The following MAD1L1 variants were observed in gnomAD, a reference collection of about 807,000 sequenced individuals.
MAD1L1 encodes mitotic arrest deficient 1 like 1, also known as mitotic spindle assembly checkpoint protein MAD1.
MAD1L1 carries 95 observed loss-of-function variants against 96.9 expected under a neutral mutation model. That is an observed-to-expected ratio of 0.98 (90% CI 0.83 to 1.16). MAD1L1 has a LOEUF of 1.16. Among genes scored for constraint, MAD1L1 ranks in the 50% most tolerant of loss-of-function variants. MAD1L1 has a pLI of 0.00. For synonymous variants in MAD1L1, 473 were observed against 396.6 expected (o/e 1.19, Z -2.29); for missense variants, 1,007 against 954.4 (o/e 1.06, Z -0.73).
chr7:1,954,700 T>C (rs6952085), intron 16 of MAD1L1, among the ~76,000 whole-genome samples: 130,981 of 152,226 alleles, frequency 0.86, 57,693 homozygotes, highest in Non-Finnish European at 0.96. Context: ...TTCTGCCTCC[T>C]AACATGGAGA....
At chr7:1,952,340 C>A (rs1022758281) in intron 16 of MAD1L1, among the ~76,000 whole-genome samples, 16 of 152,336 alleles carry the variant, frequency 1.1e-4, no homozygotes, top group Middle Eastern at 6.8e-3. Flanking sequence ...CCGGAGTGGG[C>A]GCTTCTCCTG....
rs13312366 is a variant in MAD1L1, at chr7:1,860,413, C to A, written c.1998+37787G>T. ...CGGGGCGGCCTCTGTCTCCCTAGAC[C>A]TGACATCCTGTGGTGGCCCCTGTCT... is the stretch of plus-strand genomic sequence containing the variant. On this transcript the variant is annotated intron_variant, in intron 18 of 18. Transcript: ENST00000265854. Among the ~76,000 whole-genome samples, 5 of 140,792 alleles carry A rather than the reference C, an allele frequency of 3.6e-5. No homozygotes were observed. The South Asian group carries it at 1.1e-3, about 32-fold the overall frequency. The allele number at this position is 140,792 out of a possible 152,430, so 92.4% of individuals were successfully genotyped here.
At chr7:1,888,180 G>A (rs567755452) in intron 18 of MAD1L1, among the ~76,000 whole-genome samples, 41 of 150,004 alleles carry the variant, frequency 2.7e-4, no homozygotes, top group Non-Finnish European at 5.5e-4. Context: ...CTGCCTGTGC[G>A]TGTGTGCATG....
Position 1,898,331 on chromosome 7 carries a change from G to C in MAD1L1, c.1867C>G (p.Gln623Glu). Residue 623 changes from glutamine to glutamate, a missense_variant, in exon 18 of 19, where the codon CAG (glutamine) becomes GAG (glutamate). Transcript: ENST00000265854. ...TTGCGGAACTCCTGGATCTTGGTCT[G>C]GAAAACCTCCTTGAGCCGCTGGTTC... The part of the protein sequence containing the change: ...LKNQRLKEVF[Q>E]TKIQEFRKAC... 1 of 1,614,102 alleles carries C rather than the reference G, an allele frequency of 6.2e-7. No homozygotes were observed. The highest frequency in any genetic ancestry group is 8.5e-7 in the Non-Finnish European group (1 of 1,180,008).
At chr7:2,121,434 C>A (rs1268549045) in intron 11 of MAD1L1, among the ~76,000 whole-genome samples, 1 of 152,216 alleles carries the variant, frequency 6.6e-6, no homozygotes, top group African/African-American at 2.4e-5. Flanking sequence ...GCAGGCACGA[C>A]CTCACAGCCC....
At chr7:1,996,194 T>A (rs576494156) in intron 14 of MAD1L1, among the ~76,000 whole-genome samples, 5 of 39,382 alleles carry the variant, frequency 1.3e-4, no homozygotes, top group African/African-American at 3.8e-4. Context: ...GCGGGCAGGG[T>A]CCCCCCGGGT....
intron 14 of MAD1L1, among the ~76,000 whole-genome samples, chr7:1,995,447 G>A (rs1369242876): frequency 1.3e-5 from 2 of 152,248 alleles, no homozygotes; most frequent in Non-Finnish European, 2.9e-5. Context: ...CTGAGGACCA[G>A]GCAGTGAAGC....
intron 13 of MAD1L1, among the ~76,000 whole-genome samples, chr7:2,003,713 T>C (rs1477569706): frequency 1.3e-5 from 2 of 152,146 alleles, no homozygotes; most frequent in East Asian, 1.9e-4. Context: ...GCTCTGCCCA[T>C]GACCAGCCCC....
intron 18 of MAD1L1, among the ~76,000 whole-genome samples, chr7:1,890,004 G>T (rs1355156171): frequency 6.6e-6 from 1 of 152,142 alleles, no homozygotes; most frequent in Non-Finnish European, 1.5e-5. Context: ...CTGGGAGGTG[G>T]AGCTGCCTCC....
At chr7:1,859,789 T>C (rs1784432546) in intron 18 of MAD1L1, among the ~76,000 whole-genome samples, 2 of 151,340 alleles carry the variant, frequency 1.3e-5, no homozygotes, top group South Asian at 2.1e-4. Flanking sequence ...GGGCGGCCTC[T>C]GTCTCCCTAG....
At chr7:1,869,830 C>T (rs1335473048) in intron 18 of MAD1L1, among the ~76,000 whole-genome samples, 1 of 152,158 alleles carries the variant, frequency 6.6e-6, no homozygotes, top group Admixed American at 6.5e-5. Context: ...ACTGGGCTCC[C>T]GCAAGTGCCT....
chr7:2,171,659 G>A (rs1562752129), intron 10 of MAD1L1, among the ~76,000 whole-genome samples: 1 of 152,020 alleles, frequency 6.6e-6, no homozygotes, highest in Non-Finnish European at 1.5e-5. Flanking sequence ...GGAGGGTGGA[G>A]ATGGGACACG....
At chr7:1,992,828 CGGCAGG>C (rs149046451) in intron 14 of MAD1L1, among the ~76,000 whole-genome samples, 2,309 of 151,474 alleles carry the variant, frequency 0.015, 23 homozygotes, top group Non-Finnish European at 0.024. Context: ...GGGAGGCAGG[CGGCAGG>C]GGCAGGGGCA....
intron 12 of MAD1L1, among the ~76,000 whole-genome samples, chr7:2,022,367 A>C (rs181000057): frequency 6.6e-6 from 1 of 152,344 alleles, no homozygotes; most frequent in Non-Finnish European, 1.5e-5. Context: ...TGCTTGGCTC[A>C]TGCCTGTAAT....
At position 2,087,727 on chromosome 7, in the gene MAD1L1, T is replaced by C. The variant is rs143619560; in HGVS notation, c.1074-18389A>G. 9.2e-5 allele frequency among the ~76,000 whole-genome samples: 14 copies of C among 152,178 alleles called. No homozygotes were observed. In the East Asian group the frequency reaches 2.7e-3, roughly 29 times the overall value. Reference sequence around the variant, plus strand: ...TACTTGGGAAGAGACAGGATCCTCTTTGTTGTAAAAGGAATGATGTCCCAT... The same window carrying C: ...TACTTGGGAAGAGACAGGATCCTCTCTGTTGTAAAAGGAATGATGTCCCAT... On this transcript the variant is annotated intron_variant, in intron 11 of 18. Coordinates refer to ENST00000265854, the MANE Select transcript of MAD1L1 (RefSeq NM_001013836.2).
chr7:2,207,506 C>T (rs1196683658), intron 10 of MAD1L1, among the ~76,000 whole-genome samples: 1 of 152,112 alleles, frequency 6.6e-6, no homozygotes, highest in Admixed American at 6.5e-5. Flanking sequence ...TGTGATGAAG[C>T]CTCCATAAAA....
chr7:1,895,680 G>A (rs1008708202), intron 18 of MAD1L1, among the ~76,000 whole-genome samples: 6 of 152,228 alleles, frequency 3.9e-5, no homozygotes, highest in Non-Finnish European at 8.8e-5. Flanking sequence ...GGTGGGGAGC[G>A]GGGCCTCTGC....
chr7:1,962,105 GCGGTTTCCCCCAT>G (rs1342639402), intron 15 of MAD1L1, among the ~76,000 whole-genome samples: 1 of 152,174 alleles, frequency 6.6e-6, no homozygotes, highest in Non-Finnish European at 1.5e-5. Context: ...GAATCATAGG[GCGGTTTCCCCCAT>G]ACCATTCTCA....
At chr7:1,906,782 T>G (rs1562511546) in intron 17 of MAD1L1, among the ~76,000 whole-genome samples, 1 of 152,170 alleles carries the variant, frequency 6.6e-6, no homozygotes, top group Non-Finnish European at 1.5e-5. Context: ...GAAGCCACCA[T>G]CCCCTACAGA....
Sources: allele counts gnomAD v4.1 joint callset (sites outside exome capture counted in the v4.1 genomes callset), GRCh38; gene constraint gnomAD v4.1.1; transcripts MANE v1.5; gene names NCBI Gene and HGNC (gene_info 2026-07-23, HGNC 2026-07-21).